MROH9: variants seen among roughly 807,000 people sequenced by gnomAD.
The protein encoded by MROH9 is maestro heat-like repeat-containing protein family member 9.
Under a neutral mutation model 98.2 loss-of-function variants are expected in MROH9, and 92 were observed. The ratio of observed to expected loss-of-function variants is 0.94; its 90% confidence interval spans 0.79 to 1.11. The LOEUF (loss-of-function observed/expected upper bound fraction) is 1.11, where lower values mean the gene tolerates loss of function less well. MROH9 is among the 50% of genes most tolerant of loss of function. The probability of loss-of-function intolerance (pLI) is 0.00; values close to 1 mark genes in which losing one functional copy is unlikely to be tolerated. For missense variants in MROH9, 1,057 were observed against 1,014.8 expected (o/e 1.04, Z -0.57); for synonymous variants, 397 against 368.9 (o/e 1.08, Z -0.87).
chr1:170,975,403 C>G (rs149766118), intron 8 of MROH9, among the ~76,000 whole-genome samples: 1 of 151,950 alleles, frequency 6.6e-6, no homozygotes, highest in East Asian at 1.9e-4. Context: ...ATAAAGGGAT[C>G]GATTAATTAA....
At chr1:171,053,565 G>T (rs995143720) in intron 20 of MROH9, among the ~76,000 whole-genome samples, 1 of 152,104 alleles carries the variant, frequency 6.6e-6, no homozygotes, top group Non-Finnish European at 1.5e-5. Context: ...GTAGCTGACA[G>T]TTAATCAAAA....
chr1:171,061,700 A>T (rs1654021153), intron 20 of MROH9, among the ~76,000 whole-genome samples: 1 of 152,236 alleles, frequency 6.6e-6, no homozygotes, highest in Non-Finnish European at 1.5e-5. Flanking sequence ...AGCCTCTGCC[A>T]TGTAGCAATG....
At chr1:171,020,778 G>T (rs1393237609) in intron 17 of MROH9, among the ~76,000 whole-genome samples, 1 of 152,008 alleles carries the variant, frequency 6.6e-6, no homozygotes, top group Non-Finnish European at 1.5e-5. Flanking sequence ...ATCAGGCAAG[G>T]GAAAAAAGTA....
intron 3 of MROH9, among the ~76,000 whole-genome samples, chr1:170,956,132 T>C (rs539766171): frequency 6.6e-6 from 1 of 152,206 alleles, no homozygotes; most frequent in African/African-American, 2.4e-5. Context: ...CTGTAAGCAT[T>C]TGGGTTTATT....
At chr1:171,052,710 G>A (rs1479373733) in intron 20 of MROH9, among the ~76,000 whole-genome samples, 1 of 152,196 alleles carries the variant, frequency 6.6e-6, no homozygotes, top group Non-Finnish European at 1.5e-5. Flanking sequence ...ATCCAGGGGA[G>A]TGGGTAAGCC....
intron 20 of MROH9, among the ~76,000 whole-genome samples, chr1:171,058,143 G>A (rs1417425885): frequency 2.0e-5 from 3 of 152,028 alleles, no homozygotes; most frequent in African/African-American, 7.2e-5. Context: ...TTAGCAAAGT[G>A]TCAGGATACA....
Position 170,992,218 on chromosome 1 carries a change from C to A in MROH9, c.1083C>A (p.His361Gln), listed in dbSNP as rs764880322. The A allele has an allele frequency of 6.2e-7, 1 of 1,613,208 alleles. No individual in the cohort carries two copies. Among genetic ancestry groups the A allele is most frequent in the East Asian group, 2.2e-5 (1 of 44,846 alleles). Residue 361 changes from histidine to glutamine, a missense_variant, in exon 12 of 22, where the codon CAC (histidine) becomes CAA (glutamine). Transcript: ENST00000367759. ...AACSQASVAP[H>Q]VLKTILLILK... ...GTTCTCAGGCGAGCGTGGCCCCTCA[C>A]GTGCTGAAGACAATCTTATTGATAC...
At chr1:170,996,956 C>G (rs935632578) in intron 14 of MROH9, among the ~76,000 whole-genome samples, 2 of 152,056 alleles carry the variant, frequency 1.3e-5, no homozygotes, top group Admixed American at 1.3e-4. Context: ...CTGATTTTAG[C>G]TGATTCCTGC....
chr1:170,970,729 T>TGAGAGAGA (rs1336944318), intron 7 of MROH9, among the ~76,000 whole-genome samples: 102 of 102,114 alleles, frequency 1.0e-3, no homozygotes, highest in African/African-American at 2.7e-3. Context: ...TGTGTGTGTG[T>TGAGAGAGA]GTGAGAGAGA....
chr1:171,008,285 T>G (rs758282516), intron 15 of MROH9, among the ~76,000 whole-genome samples: 19 of 152,190 alleles, frequency 1.2e-4, no homozygotes, highest in Admixed American at 1.2e-3. Context: ...TGGTCACAGA[T>G]AGCCTAACAT....
intron 12 of MROH9, among the ~76,000 whole-genome samples, chr1:170,993,813 T>C (rs1262034282): frequency 6.6e-6 from 1 of 152,200 alleles, no homozygotes; most frequent in Non-Finnish European, 1.5e-5. Flanking sequence ...ACCACCTCTA[T>C]GCAATTGCCC....
intron 9 of MROH9, among the ~76,000 whole-genome samples, chr1:170,985,851 G>A (rs961186412): frequency 6.6e-6 from 1 of 151,872 alleles, no homozygotes; most frequent in Non-Finnish European, 1.5e-5. Context: ...TCAGACCTTA[G>A]TTCTGCCTTA....
At chr1:170,948,846 C>T (rs1242534895) in intron 3 of MROH9, among the ~76,000 whole-genome samples, 17 of 151,948 alleles carry the variant, frequency 1.1e-4, no homozygotes, top group Admixed American at 6.6e-5. Flanking sequence ...GGAAACAGCA[C>T]CTGTAAAGGC....
chr1:170,974,843 CA>C (rs1191587234), intron 8 of MROH9, among the ~76,000 whole-genome samples: 2 of 151,648 alleles, frequency 1.3e-5, no homozygotes, highest in African/African-American at 2.4e-5. Flanking sequence ...TATATAAAAA[CA>C]ACACAAAAAC....
At chr1:170,964,179 T>A (rs966525947) in intron 6 of MROH9, among the ~76,000 whole-genome samples, 2 of 151,848 alleles carry the variant, frequency 1.3e-5, no homozygotes, top group Admixed American at 6.6e-5. Flanking sequence ...TTCACAGATT[T>A]AAAAAAAATG....
rs1216517967 is a variant in MROH9 at position 170,983,467 on chromosome 1, A to G, written c.662A>G (p.Gln221Arg). ...KPTNGKSHSL[Q>R]FPSSDVEFLP... ...ACAAACGGTAAAAGTCATAGCCTCC[A>G]GTTTCCTTCTTCTGATGTAGAATTT... Residue 221 changes from glutamine to arginine, a missense_variant, in exon 9 of 22, where the codon CAG becomes CGG. Physicochemically the swap from Gln to Arg is conservative, Grantham distance 43. Coordinates refer to ENST00000367759, the MANE Select transcript of MROH9 (RefSeq NM_001163629.2). 6.2e-7 allele frequency: 1 copy of G among 1,613,394 alleles called. No individual in the cohort carries two copies. Among genetic ancestry groups the G allele is most frequent in the East Asian group, 2.2e-5 (1 of 44,784 alleles).
chr1:171,016,268 GA>G lies in MROH9; in HGVS notation c.1842del (p.Glu614AspfsTer5), dbSNP rs1557899491. On this transcript the variant is annotated frameshift_variant, in exon 17 of 22. Coordinates refer to ENST00000367759, the MANE Select transcript of MROH9 (RefSeq NM_001163629.2). LOFTEE classifies it high-confidence loss of function. ...ALLTLRRLLN[E>X]LDKVTYSLGT... is the part of the protein sequence containing the mutation. ...GCTCACCCTTAGAAGGCTTTTAAAC[GA>G]ACTGGACAAAGTGACCTACTCTTTG... is the stretch of plus-strand genomic sequence containing the variant. The G allele has an allele frequency of 6.5e-7, 1 of 1,538,634 alleles. No individual in the cohort carries two copies. Among genetic ancestry groups the G allele is most frequent in the Non-Finnish European group, 8.8e-7 (1 of 1,141,050 alleles).
chr1:171,062,394 C>G (rs780506811), intron 21 of MROH9, among the ~76,000 whole-genome samples, 200 bp downstream of exon 21: 1 of 152,130 alleles, frequency 6.6e-6, no homozygotes, highest in Non-Finnish European at 1.5e-5. Flanking sequence ...TATTCTATTT[C>G]CCCTTACTCT....
intron 15 of MROH9, among the ~76,000 whole-genome samples, chr1:171,011,937 C>G (rs1436229633): frequency 1.3e-5 from 2 of 151,876 alleles, no homozygotes; most frequent in Non-Finnish European, 2.9e-5. Flanking sequence ...CTTACACCAA[C>G]TTTCTTTAGC....
Sources: gnomAD v4.1 joint callset for allele counts (sites outside exome capture counted in the v4.1 genomes callset) on GRCh38, gnomAD v4.1.1 for gene constraint, MANE v1.5 for transcripts, NCBI Gene and HGNC (gene_info 2026-07-23, HGNC 2026-07-21) for gene names.